Variants in SLC41A3 observed in about 807,000 individuals in gnomAD.
SLC41A3 encodes the protein solute carrier family 41 member 3, also known as SLC41A1-like 2.
A neutral mutation model predicts 45.4 loss-of-function variants in SLC41A3; 44 were observed. The ratio of observed to expected loss-of-function variants is 0.97; its 90% confidence interval spans 0.76 to 1.25. SLC41A3 has a LOEUF of 1.25. SLC41A3 is among the 50% of genes most tolerant of loss of function. The pLI is 0.00. For missense variants in SLC41A3, 550 were observed against 600.6 expected (o/e 0.92, Z 0.88); for synonymous variants, 256 against 252.4 (o/e 1.01, Z -0.13).
chr3:126,052,169 TGAG>T (rs1943376681), intron 2 of SLC41A3, among the ~76,000 whole-genome samples: 1 of 152,172 alleles, frequency 6.6e-6, no homozygotes, highest in Non-Finnish European at 1.5e-5. Flanking sequence ...TCTTAAAACT[TGAG>T]AAGAAAACAA....
At position 126,026,916 on chromosome 3, in the gene SLC41A3, T is replaced by C. The variant is rs1176009290; in HGVS notation, c.454-437A>G. 2.0e-5 allele frequency among the ~76,000 whole-genome samples: 3 copies of C among 152,072 alleles called. No individual in the cohort carries two copies. Among genetic ancestry groups the C allele is most frequent in the Admixed American group, 6.5e-5 (1 of 15,272 alleles). On this transcript the variant is annotated intron_variant, in intron 4 of 10. Transcript: ENST00000360370. This position sits in a 1 kb window ranked among gnomAD's most constrained non-coding sequence, Gnocchi z 4.2. ...TCACACGGGAGGACTTCACACACTT[T>C]TGGTCTCTCCTTTGGCACCCTGCTC...
chr3:126,007,047 C>A lies in SLC41A3; in HGVS notation c.1433G>T (p.Gly478Val). The change falls in exon 11 of 11, where the codon GGC becomes GTC. Residue 478 changes from glycine to valine, a missense_variant. Coordinates refer to ENST00000360370, the MANE Select transcript of SLC41A3 (RefSeq NM_017836.4). Reference sequence around the variant, plus strand: ...AGGTCCAGATGCCAGTTCTGAGATGCCACCCAGCTCTGCCTTGCTCTTCAG... The same window carrying A: ...AGGTCCAGATGCCAGTTCTGAGATGACACCCAGCTCTGCCTTGCTCTTCAG... ...WLLKSKAELG[G>V]ISELASGPP 1 of 1,614,166 alleles carries A rather than the reference C, an allele frequency of 6.2e-7. No homozygotes were observed. Among genetic ancestry groups the A allele is most frequent in the South Asian group, 1.1e-5 (1 of 91,082 alleles).
intron 1 of SLC41A3, among the ~76,000 whole-genome samples, chr3:126,089,540 C>A (rs1020350285): frequency 1.3e-5 from 2 of 152,062 alleles, no homozygotes; most frequent in Non-Finnish European, 2.9e-5. Context: ...TTGGACACAC[C>A]AAATGGGAAC....
intron 1 of SLC41A3, among the ~76,000 whole-genome samples, chr3:126,083,184 G>A (rs1945249665): frequency 6.6e-6 from 1 of 152,186 alleles, no homozygotes; most frequent in Non-Finnish European, 1.5e-5. Context: ...AGAACCACGA[G>A]GAGGACCTGC....
intron 1 of SLC41A3, 74 bp from the exon 2 acceptor site, chr3:126,068,320 C>T (rs1038261909): frequency 1.8e-5 from 25 of 1,375,036 alleles, no homozygotes; most frequent in Non-Finnish European, 2.1e-5. Flanking sequence ...GAGCCTCAGG[C>T]ACCTGTCCAG....
At chr3:126,085,061 CCTTT>C (rs1395986230), upstream of SLC41A3, among the ~76,000 whole-genome samples, 2 of 152,178 alleles carry the variant, frequency 1.3e-5, no homozygotes, top group Non-Finnish European at 2.9e-5. Context: ...CCCAGACATT[CCTTT>C]CTTTAATCCC....
intron 2 of SLC41A3, among the ~76,000 whole-genome samples, chr3:126,060,809 A>G (rs4449265): frequency 0.66 from 100,185 of 152,064 alleles, 33,254 homozygotes; most frequent in Middle Eastern, 0.72. Context: ...AGCCGGGTCC[A>G]GCGGTTTCTG....
intron 3 of SLC41A3, among the ~76,000 whole-genome samples, chr3:126,045,237 A>G (rs973302669): frequency 1.3e-5 from 2 of 151,904 alleles, no homozygotes; most frequent in Non-Finnish European, 2.9e-5. Flanking sequence ...GAAAAGAGCA[A>G]ACTAAACCTA....
In SLC41A3 at chr3:126,016,909, T is replaced by C. The variant is rs779626868; in HGVS notation, c.746-34A>G. Reference sequence around the variant, plus strand: ...AGAACAGGGACACACGCAGCTCATGTGGCCAAGGCCAGCACACACAGGCTG... The same window carrying C: ...AGAACAGGGACACACGCAGCTCATGCGGCCAAGGCCAGCACACACAGGCTG... On this transcript the variant is annotated intron_variant, in intron 6 of 10. Transcript: ENST00000360370. The C allele has an allele frequency of 2.5e-6, 4 of 1,604,220 alleles. No homozygotes were observed. The East Asian group carries it at 9.0e-5, about 36-fold the overall frequency.
intron 1 of SLC41A3, among the ~76,000 whole-genome samples, chr3:126,079,451 G>T (rs746476155): frequency 2.6e-5 from 4 of 152,120 alleles, no homozygotes; most frequent in African/African-American, 4.8e-5. Flanking sequence ...AGAGACAAAG[G>T]ATAAGTGTGC....
intron 8 of SLC41A3, among the ~76,000 whole-genome samples, chr3:126,015,137 A>G (rs906543536): frequency 6.6e-6 from 1 of 152,248 alleles, no homozygotes; most frequent in East Asian, 1.9e-4. Context: ...CACAAGAGCC[A>G]GCGCCCCGGT....
rs1296500862 is a variant in SLC41A3, at chr3:126,039,678, C to T, written c.382-6000G>A. Among the ~76,000 whole-genome samples the T allele has an allele frequency of 2.0e-5, 3 of 152,218 alleles. No individual in the cohort carries two copies. In the East Asian group the frequency reaches 5.8e-4, roughly 29 times the overall value. On this transcript the variant is annotated intron_variant, in intron 3 of 10. Coordinates refer to ENST00000360370, the MANE Select transcript of SLC41A3 (RefSeq NM_017836.4). ...TCAAGGGGAAGGAATTAAGCTTTAGCTCCTCTAAGGCAGTATATCCAAGAT... is the reference window on the plus strand; with the variant it reads ...TCAAGGGGAAGGAATTAAGCTTTAGTTCCTCTAAGGCAGTATATCCAAGAT...
chr3:126,022,915 T>TACAG lies in SLC41A3; in HGVS notation c.612_615dup (p.Ile206LeufsTer37). 1 of 1,614,140 alleles carries TACAG rather than the reference T, an allele frequency of 6.2e-7. No homozygotes were observed. Reference sequence around the variant, plus strand: ...CCGAGCTTTCGAGCACCAATCACTATACAGACCATCAGCACCCCTGCAGAG... The same window carrying TACAG: ...CCGAGCTTTCGAGCACCAATCACTATACAGACAGACCATCAGCACCCCTGCAGAG... On this transcript the variant is annotated frameshift_variant, in exon 6 of 11. Transcript: ENST00000360370. LOFTEE classifies it high-confidence loss of function.
chr3:126,054,835 G>A (rs1177259017), intron 2 of SLC41A3, among the ~76,000 whole-genome samples: 1 of 152,042 alleles, frequency 6.6e-6, no homozygotes, highest in African/African-American at 2.4e-5. Flanking sequence ...GTGGTCTCAG[G>A]GAAGGAGCGA....
intron 3 of SLC41A3, among the ~76,000 whole-genome samples, chr3:126,036,324 C>T (rs1167663011): frequency 6.6e-6 from 1 of 152,248 alleles, no homozygotes; most frequent in Non-Finnish European, 1.5e-5. Flanking sequence ...ACACACCCCC[C>T]TTGCCCTTTC....
chr3:126,093,597 G>C (rs112079227), intron 1 of SLC41A3, among the ~76,000 whole-genome samples: 136 of 139,856 alleles, frequency 9.7e-4, no homozygotes, highest in South Asian at 2.5e-3. Flanking sequence ...GGAAGGTCTA[G>C]TTTAAATTTA....
intron 2 of SLC41A3, among the ~76,000 whole-genome samples, chr3:126,059,291 A>AGAGAGAGAGAAAG (rs748196107): frequency 8.2e-6 from 1 of 121,214 alleles, no homozygotes; most frequent in Non-Finnish European, 1.8e-5. Flanking sequence ...AGAAAGAAAG[A>AGAGAGAGAGAAAG]AAGAAAGAAA....
intron 1 of SLC41A3, among the ~76,000 whole-genome samples, chr3:126,092,006 G>T (rs929343325): frequency 4.6e-5 from 7 of 152,126 alleles, no homozygotes; most frequent in Non-Finnish European, 8.8e-5. Context: ...GTTAATTTCA[G>T]GTCCTTGGCC....
chr3:126,021,039 C>T (rs544666662), intron 6 of SLC41A3, among the ~76,000 whole-genome samples: 17 of 152,056 alleles, frequency 1.1e-4, no homozygotes, highest in Non-Finnish European at 1.6e-4. Flanking sequence ...GGACTACAGG[C>T]GCCCGCCACC....
Sources: gnomAD v4.1 joint callset for allele counts (sites outside exome capture counted in the v4.1 genomes callset) on GRCh38, gnomAD v4.1.1 for gene constraint, Gnocchi (gnomAD v3.1) non-coding constraint, MANE v1.5 for transcripts, NCBI Gene and HGNC (gene_info 2026-07-23, HGNC 2026-07-21) for gene names.